Variants in BCL11B observed in about 807,000 individuals in gnomAD.
BCL11B encodes B-cell lymphoma/leukemia 11B.
Under a neutral mutation model 49.9 loss-of-function variants are expected in BCL11B, and 8 were observed. The observed-to-expected ratio is 0.16, with a 90% CI of 0.09 to 0.29. The LOEUF (loss-of-function observed/expected upper bound fraction) is 0.29, where lower values mean the gene tolerates loss of function less well. Ranked by LOEUF, BCL11B falls within the 10% of genes least tolerant of loss-of-function variation. The pLI, the probability that BCL11B is intolerant of heterozygous loss-of-function variation, is 1.00. For missense variants in BCL11B, 1,006 were observed against 1,351.0 expected, an observed-to-expected ratio of 0.74 and a Z score of 4.00; for synonymous variants, 739 against 637.4, an observed-to-expected ratio of 1.16 and a Z score of -2.40.
chr14:99,259,461 C>T (rs1280632870), intron 1 of BCL11B, among the ~76,000 whole-genome samples: 2 of 152,270 alleles, frequency 1.3e-5, no homozygotes, highest in African/African-American at 2.4e-5. Flanking sequence ...AGACGTACAA[C>T]GCGCACGTAT....
intron 3 of BCL11B, among the ~76,000 whole-genome samples, chr14:99,183,673 CACATACAGTAGG>C (rs558561771): frequency 1.1e-3 from 170 of 152,222 alleles, no homozygotes; most frequent in African/African-American, 3.7e-3. Context: ...AATAGGGACC[CACATACAGTAGG>C]CACTGGGTAC....
intron 2 of BCL11B, among the ~76,000 whole-genome samples, chr14:99,237,580 GC>G (rs1888540036): frequency 6.6e-6 from 1 of 152,136 alleles, no homozygotes; most frequent in Non-Finnish European, 1.5e-5. Flanking sequence ...TTTTGTCTGG[GC>G]ACCCGATGGC....
At chr14:99,216,802 A>G (rs1367931926) in intron 3 of BCL11B, among the ~76,000 whole-genome samples, 1 of 151,994 alleles carries the variant, frequency 6.6e-6, no homozygotes, top group African/African-American at 2.4e-5. Flanking sequence ...ACACATATAC[A>G]CTCAACATGC....
chr14:99,240,835 C>T (rs1195990422), intron 2 of BCL11B, among the ~76,000 whole-genome samples: 1 of 152,216 alleles, frequency 6.6e-6, no homozygotes, highest in African/African-American at 2.4e-5. Context: ...CCTTACGATT[C>T]ATCTAGCCAC....
intron 3 of BCL11B, among the ~76,000 whole-genome samples, chr14:99,186,244 T>G (rs953885246): frequency 1.3e-5 from 2 of 152,156 alleles, no homozygotes; most frequent in Non-Finnish European, 2.9e-5. Flanking sequence ...GAGTGCATCA[T>G]GCACAGTGGC....
intron 3 of BCL11B, among the ~76,000 whole-genome samples, chr14:99,217,875 G>A (rs140822076): frequency 3.9e-5 from 6 of 152,174 alleles, no homozygotes; most frequent in South Asian, 2.1e-4. Context: ...AGTGGGCTCC[G>A]AACTCCACTC....
At chr14:99,186,275 C>T (rs1886850240) in intron 3 of BCL11B, among the ~76,000 whole-genome samples, 1 of 152,216 alleles carries the variant, frequency 6.6e-6, no homozygotes, top group Admixed American at 6.5e-5. Flanking sequence ...AATCCCAGCA[C>T]TTTGGGAGGC....
In BCL11B at chr14:99,171,352, G is replaced by GT. The variant is rs780427704; in HGVS notation, c.*2798dup. Reference sequence around the variant, plus strand: ...ACAATAGGACTTAACATACAAATGTGTTTTTTTTGCAATATTTTATCCTGC... The same window carrying GT: ...ACAATAGGACTTAACATACAAATGTGTTTTTTTTTGCAATATTTTATCCTGC... On this transcript the variant is annotated 3_prime_UTR_variant, in exon 4 of 4. Coordinates refer to ENST00000357195, the MANE Select transcript of BCL11B (RefSeq NM_138576.4). 4.5e-4 allele frequency: 98 copies of GT among 216,490 alleles called. No individual in the cohort carries two copies. The highest frequency in any genetic ancestry group is 9.6e-4 in the East Asian group (14 of 14,562). 13.4% of individuals were successfully genotyped at this position (216,490 alleles called of 1,614,324 possible). A position where few individuals can be genotyped will look rare whatever the true frequency, so the allele number is the denominator to read the frequency against.
chr14:99,243,358 C>G (rs1270181590), intron 2 of BCL11B, among the ~76,000 whole-genome samples: 1 of 152,202 alleles, frequency 6.6e-6, no homozygotes, highest in Non-Finnish European at 1.5e-5. Context: ...ATTACACCCT[C>G]TAGAAGAGGC....
intron 3 of BCL11B, among the ~76,000 whole-genome samples, chr14:99,183,769 C>A (rs1274351651): frequency 6.6e-6 from 1 of 151,982 alleles, no homozygotes; most frequent in African/African-American, 2.4e-5. Flanking sequence ...GAAGTCCCAC[C>A]AAGACAAGGA....
intron 3 of BCL11B, among the ~76,000 whole-genome samples, chr14:99,197,023 C>T (rs539409976): frequency 6.6e-6 from 1 of 152,332 alleles, no homozygotes; most frequent in Non-Finnish European, 1.5e-5. Flanking sequence ...GAAGGTTTCA[C>T]ATGCATAATT....
At chr14:99,197,890 A>T (rs1188243177) in intron 3 of BCL11B, among the ~76,000 whole-genome samples, 1 of 152,144 alleles carries the variant, frequency 6.6e-6, no homozygotes, top group Non-Finnish European at 1.5e-5. Flanking sequence ...CAGGCCCCTG[A>T]CTTCCAATTT....
chr14:99,270,864 G>A (rs1453832839), intron 1 of BCL11B, among the ~76,000 whole-genome samples: 3 of 149,172 alleles, frequency 2.0e-5, no homozygotes, highest in African/African-American at 4.9e-5. Context: ...CGGGCTCGGC[G>A]CGCACACACA....
chr14:99,180,892 G>T (rs939865413), intron 3 of BCL11B, among the ~76,000 whole-genome samples: 1 of 152,108 alleles, frequency 6.6e-6, no homozygotes, highest in Non-Finnish European at 1.5e-5. Flanking sequence ...TTATTATGAT[G>T]CTTGGGAACC....
intron 2 of BCL11B, among the ~76,000 whole-genome samples, chr14:99,251,600 G>A (rs1889009480): frequency 1.3e-5 from 2 of 152,150 alleles, no homozygotes; most frequent in South Asian, 2.1e-4. Flanking sequence ...TTCTGGCCCA[G>A]GTGCACCTGA....
At chr14:99,269,895 A>C (rs1419884006) in intron 1 of BCL11B, among the ~76,000 whole-genome samples, 2 of 144,916 alleles carry the variant, frequency 1.4e-5, no homozygotes, top group African/African-American at 5.1e-5. Context: ...AAAAAAAAAA[A>C]AAAAAAAAAA....
chr14:99,233,390 G>A (rs1163378740), intron 2 of BCL11B, among the ~76,000 whole-genome samples: 3 of 152,222 alleles, frequency 2.0e-5, no homozygotes, highest in African/African-American at 7.2e-5. Flanking sequence ...TCCCTCTAGG[G>A]CTGCAGCTGG....
At chr14:99,255,104 G>T (rs1287125118) in intron 2 of BCL11B, among the ~76,000 whole-genome samples, 3 of 152,124 alleles carry the variant, frequency 2.0e-5, no homozygotes, top group Non-Finnish European at 2.9e-5. Context: ...AAGAAAAGTT[G>T]CTGCCCAAGT....
Position 99,174,171 on chromosome 14 carries a change from C to T in BCL11B, c.2665G>A (p.Glu889Lys), listed in dbSNP as rs1886387344. The T allele has an allele frequency of 1.2e-6, 2 of 1,612,868 alleles. No individual in the cohort carries two copies. Among genetic ancestry groups the T allele is most frequent in the Non-Finnish European group, 8.5e-7 (1 of 1,179,992 alleles). ...CGCGCTTAGCTCCTCTCGGCCTGCT[C>T]GATTTTGACGTCGTTAGTCAGCAAG... ...EHLLTNDVKIEQAERS is the reference protein window; with the variant it reads ...EHLLTNDVKIKQAERS Residue 889 changes from glutamate (E) to lysine (K), a missense_variant, in exon 4 of 4, where the codon GAG becomes AAG. Around this residue, in one of 6 missense-constraint regions of BCL11B, gnomAD observed 16 missense variants for 24.1 expected, o/e 0.67. Transcript: ENST00000357195.
Sources: gnomAD v4.1 joint callset for allele counts (sites outside exome capture counted in the v4.1 genomes callset) on GRCh38, gnomAD v4.1.1 for gene constraint, gnomAD v4.1.1 regional missense constraint, MANE v1.5 for transcripts, NCBI Gene and HGNC (gene_info 2026-07-23, HGNC 2026-07-21) for gene names.